PIK3CD: variants seen among roughly 807,000 people sequenced by gnomAD.
PIK3CD encodes the protein phosphatidylinositol-4,5-bisphosphate 3-kinase catalytic subunit delta.
Under a neutral mutation model 122.9 loss-of-function variants are expected in PIK3CD, and 20 were observed. The ratio of observed to expected loss-of-function variants is 0.16; its 90% CI spans 0.11 to 0.24. The LOEUF is 0.24. PIK3CD is among the 10% of genes least tolerant of loss of function. The pLI is 1.00. For synonymous variants in PIK3CD, 596 were observed against 593.4 expected (o/e 1.00, Z -0.06); for missense variants, 787 against 1,406.3 (o/e 0.56, Z 7.04).
At chr1:9,688,851 CAG>C (rs1646074011) in intron 1 of PIK3CD, among the ~76,000 whole-genome samples, 2 of 151,620 alleles carry the variant, frequency 1.3e-5, no homozygotes, top group African/African-American at 4.8e-5. Flanking sequence ...CTGGAGCGCC[CAG>C]AGTTTTTTTT....
At position 9,715,886 on chromosome 1, in the gene PIK3CD, G is replaced by A; in HGVS notation, c.408G>A (p.Val136=). The A allele has an allele frequency of 6.2e-7, 1 of 1,612,500 alleles. No homozygotes were observed. The highest frequency in any genetic ancestry group is 8.5e-7 in the Non-Finnish European group (1 of 1,179,880). ...TTGACTCCTTGTGCGACCCAGAAGTGAACGACTTTCGCGCCAAGATGTGCC... is the reference window on the plus strand; with the variant it reads ...TTGACTCCTTGTGCGACCCAGAAGTAAACGACTTTCGCGCCAAGATGTGCC... The part of the protein sequence containing the change: ...HEFDSLCDPE[V]NDFRAKMCQF... The change falls in exon 5 of 24, where the codon GTG becomes GTA. Residue 136 remains valine, a synonymous_variant. Coordinates refer to ENST00000377346, the MANE Select transcript of PIK3CD (RefSeq NM_005026.5). The surrounding 1 kb of genome is among the most constrained non-coding windows in gnomAD (Gnocchi z 4.1).
chr1:9,713,693 C>A lies in PIK3CD; in HGVS notation c.142-1848C>A, dbSNP rs114394722. On this transcript the variant is annotated intron_variant, in intron 3 of 23. Transcript: ENST00000377346. ...GCAGCCTTGACATCCTGGGCCCAAG[C>A]GATCTTCCCATCTTAGCCTACTGAG... 2.2e-3 allele frequency among the ~76,000 whole-genome samples: 332 copies of A among 152,050 alleles called. 1 individual carries two copies. Among genetic ancestry groups the A allele is most frequent in the African/African-American group, 6.9e-3 (284 of 41,444 alleles).
In PIK3CD at chr1:9,723,399, T is replaced by C. The variant is rs978419915; in HGVS notation, c.2594+107T>C. 22 of 1,184,014 alleles carry C rather than the reference T, an allele frequency of 1.9e-5. No individual in the cohort carries two copies. The East Asian group carries it at 5.0e-4, about 27-fold the overall frequency. 73.3% of individuals were successfully genotyped at this position (1,184,014 alleles called of 1,614,324 possible). A position where few individuals can be genotyped will look rare whatever the true frequency, so the allele number is the denominator to read the frequency against. ...AGCGGGGAGGGGCCTCAGACCATCT[T>C]TGTGGCTACTTGGCTCAGTTGAGGA... On this transcript the variant is annotated intron_variant, in intron 20 of 23. Transcript: ENST00000377346. The surrounding 1 kb of genome is among the most constrained non-coding windows in gnomAD (Gnocchi z 4.9).
intron 1 of PIK3CD, among the ~76,000 whole-genome samples, chr1:9,678,789 C>A (rs953816454): frequency 1.3e-5 from 2 of 152,182 alleles, no homozygotes; most frequent in African/African-American, 4.8e-5. Context: ...CTTTCTTGAC[C>A]ACCTCTTAAA....
rs1647241792 is a variant in PIK3CD, at chr1:9,715,231, G to A, written c.142-310G>A. Among the ~76,000 whole-genome samples, 1 of 152,158 alleles carries A rather than the reference G, an allele frequency of 6.6e-6. No homozygotes were observed. Among genetic ancestry groups the A allele is most frequent in the Admixed American group, 6.5e-5 (1 of 15,268 alleles). On this transcript the variant is annotated intron_variant, in intron 3 of 23. Transcript: ENST00000377346. The surrounding 1 kb of genome is among the most constrained non-coding windows in gnomAD (Gnocchi z 4.1). ...AGGACAGTTAGCTGGGCTGCATGAA[G>A]GTCATGGCCCCCCGTCTCTGGAGTG... is the stretch of plus-strand genomic sequence containing the variant.
rs772834969 is a variant in PIK3CD, at chr1:9,717,031, A to C, written c.853A>C (p.Met285Leu). 1 of 1,613,874 alleles carries C rather than the reference A, an allele frequency of 6.2e-7. No individual in the cohort carries two copies. The change falls in exon 7 of 24, where the codon ATG becomes CTG. Residue 285 changes from methionine (M) to leucine (L), a missense_variant. Physicochemically the swap from Met to Leu is conservative, Grantham distance 15 (BLOSUM62 2). Around this residue, in one of 6 missense-constraint regions of PIK3CD, gnomAD observed 592 missense variants for 920.6 expected, o/e 0.64. Transcript: ENST00000377346. The surrounding 1 kb of genome is among the most constrained non-coding windows in gnomAD (Gnocchi z 5.4). ...TMVHSSSILAMRDEQSNPAPQ... is the reference protein window; with the variant it reads ...TMVHSSSILALRDEQSNPAPQ... ...GGTCCATTCCTCCTCCATCCTCGCC[A>C]TGCGGGATGAGCAGAGCAACCCTGC...
intron 3 of PIK3CD, among the ~76,000 whole-genome samples, chr1:9,713,289 C>T (rs946283054): frequency 6.6e-5 from 10 of 152,012 alleles, no homozygotes; most frequent in African/African-American, 2.4e-4. Flanking sequence ...CTGCAGTGAG[C>T]CATGATTTGC....
At chr1:9,649,536 G>A (rs1326156859), upstream of PIK3CD, among the ~76,000 whole-genome samples, 1 of 152,086 alleles carries the variant, frequency 6.6e-6, no homozygotes, top group African/African-American at 2.4e-5. Flanking sequence ...CCTGGCCTGG[G>A]CCTCTGCTTA....
chr1:9,720,028 G>A lies in PIK3CD; in HGVS notation c.1339+11G>A, dbSNP rs757259754. On this transcript the variant is annotated intron_variant, in intron 10 of 23. Coordinates refer to ENST00000377346, the MANE Select transcript of PIK3CD (RefSeq NM_005026.5). The surrounding 1 kb of genome is among the most constrained non-coding windows in gnomAD (Gnocchi z 9.0). The stretch of plus-strand genomic sequence containing the variant: ...GGCCCTCCGTCCCAGGTCGGCCCAG[G>A]CCCAGGAGGGAGAGGCGTTGGGAGT... The A allele has an allele frequency of 9.3e-6, 15 of 1,613,570 alleles. No individual in the cohort carries two copies. The highest frequency in any genetic ancestry group is 1.2e-5 in the Non-Finnish European group (14 of 1,179,994).
the PIK3CD span, among the ~76,000 whole-genome samples, chr1:9,628,148 A>C: frequency 2.0e-5 from 3 of 152,122 alleles, no homozygotes; most frequent in East Asian, 5.8e-4. Context: ...ACGAAAATAC[A>C]AAAATTAGCT....
At position 9,718,997 on chromosome 1, in the gene PIK3CD, C is replaced by A; in HGVS notation, c.1242+82C>A. On this transcript the variant is annotated intron_variant, in intron 9 of 23. Transcript: ENST00000377346. The surrounding 1 kb of genome is among the most constrained non-coding windows in gnomAD (Gnocchi z 7.2). ...TTGCTGGGCCACTCACCACTCTCCTCCCGGCAAGCACGCAGCCTGGGGATG... is the reference window on the plus strand; with the variant it reads ...TTGCTGGGCCACTCACCACTCTCCTACCGGCAAGCACGCAGCCTGGGGATG... 1 of 1,328,380 alleles carries A rather than the reference C, an allele frequency of 7.5e-7. No homozygotes were observed. The highest frequency in any genetic ancestry group is 1.1e-6 in the Non-Finnish European group (1 of 943,358). The allele number at this position is 1,328,380 out of a possible 1,614,324, so 82.3% of individuals were successfully genotyped here.
In PIK3CD at chr1:9,719,988, G is replaced by T; in HGVS notation, c.1310G>T (p.Arg437Leu). 1.2e-6 allele frequency: 2 copies of T among 1,613,730 alleles called. No individual in the cohort carries two copies. Among genetic ancestry groups the T allele is most frequent in the Admixed American group, 1.7e-5 (1 of 60,032 alleles). The part of the protein sequence containing the change: ...DYKDQLKTGE[R>L]CLYMWPSVPD... Reference sequence around the variant, plus strand: ...AAGGACCAGCTTAAGACCGGGGAACGCTGCCTCTACATGTGGCCCTCCGTC... The same window carrying T: ...AAGGACCAGCTTAAGACCGGGGAACTCTGCCTCTACATGTGGCCCTCCGTC... The change falls in exon 10 of 24, where the codon CGC (arginine) becomes CTC (leucine). Residue 437 changes from arginine to leucine, a missense_variant. This residue lies in a region of PIK3CD where 592 missense variants were observed against 920.6 expected (regional missense o/e 0.64). Coordinates refer to ENST00000377346, the MANE Select transcript of PIK3CD (RefSeq NM_005026.5). The surrounding 1 kb of genome is among the most constrained non-coding windows in gnomAD (Gnocchi z 5.5).
At chr1:9,643,201 G>A in the PIK3CD span, among the ~76,000 whole-genome samples, 1 of 152,044 alleles carries the variant, frequency 6.6e-6, no homozygotes, top group African/African-American at 2.4e-5. Flanking sequence ...CGGAGGTCGG[G>A]AGTTCGAGAC....
At chr1:9,671,873 G>T (rs1197326869) in intron 1 of PIK3CD, among the ~76,000 whole-genome samples, 1 of 152,174 alleles carries the variant, frequency 6.6e-6, no homozygotes, top group African/African-American at 2.4e-5. Flanking sequence ...GCCGCCCCTG[G>T]CCCCACTCAA....
rs1478863646 is a variant in PIK3CD at position 9,704,136 on chromosome 1, C to A, written c.-32-6288C>A. On this transcript the variant is annotated intron_variant, in intron 2 of 23. Coordinates refer to ENST00000377346, the MANE Select transcript of PIK3CD (RefSeq NM_005026.5). This position sits in a 1 kb window ranked among gnomAD's most constrained non-coding sequence, Gnocchi z 5.0. The stretch of plus-strand genomic sequence containing the variant: ...GAGAGACGGAAGGCACTTCCACTTT[C>A]TCCTGTCCTGTCTCACTGGTGACAG... Among the ~76,000 whole-genome samples, 1 of 152,206 alleles carries A rather than the reference C, an allele frequency of 6.6e-6. No individual in the cohort carries two copies. Among genetic ancestry groups the A allele is most frequent in the African/African-American group, 2.4e-5 (1 of 41,458 alleles).
chr1:9,726,141 A>C (rs1402174336), intron 23 of PIK3CD, among the ~76,000 whole-genome samples: 1 of 152,042 alleles, frequency 6.6e-6, no homozygotes, highest in Non-Finnish European at 1.5e-5. Context: ...TGAACACGAG[A>C]GACTGAGGCT....
intron 3 of PIK3CD, among the ~76,000 whole-genome samples, chr1:9,711,391 G>A (rs1280554829): frequency 2.0e-5 from 3 of 152,100 alleles, no homozygotes; most frequent in Non-Finnish European, 2.9e-5. Context: ...CACCGCGCCC[G>A]ACCCAAAAGA....
At position 9,728,796 on chromosome 1, in the gene PIK3CD, T is replaced by C. The variant is rs1424100858; in HGVS notation, c.*1750T>C. 2 of 152,278 alleles carry C rather than the reference T, an allele frequency of 1.3e-5. No individual in the cohort carries two copies. The highest frequency in any genetic ancestry group is 4.8e-5 in the African/African-American group (2 of 41,474). The allele number at this position is 152,278 out of a possible 1,614,324, so 9.4% of individuals were successfully genotyped here. A position where few individuals can be genotyped will look rare whatever the true frequency, so the allele number is the denominator to read the frequency against. Reference sequence around the variant, plus strand: ...TGTGCCTGGCGAGAAGAATATTTTCTATTTTTTTAAGTCATTTCATGTTTC... The same window carrying C: ...TGTGCCTGGCGAGAAGAATATTTTCCATTTTTTTAAGTCATTTCATGTTTC... On this transcript the variant is annotated 3_prime_UTR_variant, in exon 24 of 24. Transcript: ENST00000377346.
rs187868720 is a variant in PIK3CD at position 9,704,006 on chromosome 1, C to T, written c.-32-6418C>T. Among the ~76,000 whole-genome samples the T allele has an allele frequency of 1.3e-4, 20 of 152,316 alleles. No individual in the cohort carries two copies. The highest frequency in any genetic ancestry group is 3.8e-4 in the African/African-American group (16 of 41,576). ...GGCATTTCTGAAGTCCCTGTACTCA[C>T]TGGCATCTCTGTCCTGTACATATCA... is the stretch of plus-strand genomic sequence containing the variant. On this transcript the variant is annotated intron_variant, in intron 2 of 23. Coordinates refer to ENST00000377346, the MANE Select transcript of PIK3CD (RefSeq NM_005026.5). The surrounding 1 kb of genome is among the most constrained non-coding windows in gnomAD (Gnocchi z 5.0).
Sources: allele counts gnomAD v4.1 joint callset (sites outside exome capture counted in the v4.1 genomes callset), GRCh38; gene constraint gnomAD v4.1.1; regional missense constraint gnomAD v4.1.1; non-coding constraint Gnocchi (gnomAD v3.1); transcripts MANE v1.5; gene names NCBI Gene and HGNC (gene_info 2026-07-23, HGNC 2026-07-21).